The following FYN variants were observed in gnomAD, a reference collection of about 807,000 sequenced individuals.
The protein encoded by FYN is FYN proto-oncogene, Src family tyrosine kinase, also known as tyrosine-protein kinase Fyn.
Under a neutral mutation model 70.2 loss-of-function variants are expected in FYN, and 10 were observed. The ratio of observed to expected loss-of-function variants is 0.14; its 90% confidence interval spans 0.09 to 0.24. The LOEUF (loss-of-function observed/expected upper bound fraction) is 0.24, where lower values mean the gene tolerates loss of function less well. Ranked by LOEUF, FYN falls within the 10% of genes least tolerant of loss-of-function variation. The pLI, the probability that FYN is intolerant of heterozygous loss-of-function variation, is 1.00. For synonymous variants in FYN, 236 were observed against 248.6 expected, an observed-to-expected ratio of 0.95 and a Z score of 0.48; for missense variants, 319 against 673.1, an observed-to-expected ratio of 0.47 and a Z score of 5.82.
At position 111,662,069 on chromosome 6, in the gene FYN, A is replaced by C. The variant is rs1283513993; in HGVS notation, c.1406-122T>G. The C allele has an allele frequency of 7.3e-5, 55 of 750,760 alleles. No homozygotes were observed. The East Asian group carries it at 9.3e-4, about 13-fold the overall frequency. The allele number at this position is 750,760 out of a possible 1,614,324, so 46.5% of individuals were successfully genotyped here. On this transcript the variant is annotated intron_variant, in intron 13 of 13. Transcript: ENST00000354650. ...TGGCTAAAACATGCGGAGTACTCCCATCCCCCCAGGAGTCAAACCCTGCCA... is the reference window on the plus strand; with the variant it reads ...TGGCTAAAACATGCGGAGTACTCCCCTCCCCCCAGGAGTCAAACCCTGCCA...
At chr6:111,739,455 C>A (rs1364112987) in intron 3 of FYN, among the ~76,000 whole-genome samples, 1 of 152,254 alleles carries the variant, frequency 6.6e-6, no homozygotes, top group African/African-American at 2.4e-5. Flanking sequence ...CTGGCTCCTG[C>A]CTGGGGATGC....
intron 3 of FYN, among the ~76,000 whole-genome samples, chr6:111,771,321 C>A (rs1039905134): frequency 6.6e-6 from 1 of 152,112 alleles, no homozygotes; most frequent in Non-Finnish European, 1.5e-5. Context: ...CAGAAAAATT[C>A]AAAACAGCAA....
chr6:111,751,048 A>C (rs1802463404), intron 3 of FYN, among the ~76,000 whole-genome samples: 1 of 152,218 alleles, frequency 6.6e-6, no homozygotes, highest in South Asian at 2.1e-4. Context: ...AAAAACACCA[A>C]GAGAAGCAAA....
chr6:111,718,048 T>C (rs1004623453), intron 4 of FYN, among the ~76,000 whole-genome samples: 4 of 152,238 alleles, frequency 2.6e-5, no homozygotes, highest in African/African-American at 9.6e-5. Flanking sequence ...CCTATTCTTA[T>C]TTAACACTCC....
chr6:111,796,460 G>C (rs1442645874), intron 2 of FYN, among the ~76,000 whole-genome samples: 1 of 152,182 alleles, frequency 6.6e-6, no homozygotes, highest in Non-Finnish European at 1.5e-5. Flanking sequence ...GTGTGTAGTA[G>C]GTTATACCAT....
chr6:111,742,913 C>G (rs906464841), intron 3 of FYN, among the ~76,000 whole-genome samples: 2 of 151,698 alleles, frequency 1.3e-5, no homozygotes, highest in African/African-American at 4.8e-5. Context: ...CACACGACCA[C>G]AAGTTTGAGA....
chr6:111,815,726 T>C (rs113077066), intron 2 of FYN, among the ~76,000 whole-genome samples: 1 of 151,726 alleles, frequency 6.6e-6, no homozygotes, highest in South Asian at 2.1e-4. Flanking sequence ...TTTTTTTTTT[T>C]TCTTTTTTTT....
At chr6:111,740,399 A>C (rs898826309) in intron 3 of FYN, among the ~76,000 whole-genome samples, 6 of 152,242 alleles carry the variant, frequency 3.9e-5, no homozygotes, top group African/African-American at 1.4e-4. Flanking sequence ...AGCTGTTAAA[A>C]ATGAGAACAC....
intron 9 of FYN, among the ~76,000 whole-genome samples, chr6:111,698,543 G>A (rs1426350909): frequency 1.3e-5 from 2 of 152,124 alleles, no homozygotes; most frequent in Non-Finnish European, 2.9e-5. Context: ...GAAGATAGAG[G>A]ATTCCATAAG....
intron 13 of FYN, among the ~76,000 whole-genome samples, chr6:111,668,231 G>C (rs1448222274): frequency 3.3e-5 from 5 of 152,216 alleles, no homozygotes; most frequent in African/African-American, 1.2e-4. Context: ...CACTGAGTTA[G>C]GTTTTAGTAT....
At chr6:111,672,461 CTG>C (rs1422334993) in intron 13 of FYN, among the ~76,000 whole-genome samples, 1 of 152,226 alleles carries the variant, frequency 6.6e-6, no homozygotes, top group Admixed American at 6.5e-5. Context: ...TCAGGACCTG[CTG>C]TGTGTGGATA....
At position 111,674,530 on chromosome 6, in the gene FYN, C is replaced by T; in HGVS notation, c.1374G>A (p.Glu458=). The change falls in exon 13 of 14, where the codon GAG becomes GAA. Residue 458 remains glutamate, a synonymous_variant. Coordinates refer to ENST00000354650, the MANE Select transcript of FYN (RefSeq NM_002037.5). ...ATGGCACTCTTCCTTTGGTGACCAGCTCTGTGAGTAAGATTCCAAAAGACC... is the reference window on the plus strand; with the variant it reads ...ATGGCACTCTTCCTTTGGTGACCAGTTCTGTGAGTAAGATTCCAAAAGACC... ...DVWSFGILLT[E]LVTKGRVPYP... 1 of 1,613,940 alleles carries T rather than the reference C, an allele frequency of 6.2e-7. No individual in the cohort carries two copies. Among genetic ancestry groups the T allele is most frequent in the Non-Finnish European group, 8.5e-7 (1 of 1,179,882 alleles).
intron 12 of FYN, among the ~76,000 whole-genome samples, chr6:111,683,558 C>A (rs888049966): frequency 1.3e-5 from 2 of 152,164 alleles, no homozygotes; most frequent in Non-Finnish European, 2.9e-5. Context: ...GCCCTAATAG[C>A]ATTTTCAAGG....
At chr6:111,847,051 C>T (rs1468314931) in intron 1 of FYN, among the ~76,000 whole-genome samples, 1 of 152,196 alleles carries the variant, frequency 6.6e-6, no homozygotes, top group African/African-American at 2.4e-5. Flanking sequence ...ATTAAAACAC[C>T]CCCAGCACCC....
intron 12 of FYN, among the ~76,000 whole-genome samples, chr6:111,679,262 G>C (rs1798682228): frequency 6.6e-6 from 1 of 152,204 alleles, no homozygotes; most frequent in South Asian, 2.1e-4. Flanking sequence ...ACCTTTGCCT[G>C]ATCACTAAAG....
chr6:111,824,665 T>C (rs1583473155), intron 2 of FYN, among the ~76,000 whole-genome samples: 2 of 152,210 alleles, frequency 1.3e-5, no homozygotes, highest in East Asian at 3.8e-4. Context: ...GTCATTACTC[T>C]GAATTTCACT....
At chr6:111,831,357 C>A (rs1327204) in intron 2 of FYN, among the ~76,000 whole-genome samples, 1 of 152,006 alleles carries the variant, frequency 6.6e-6, no homozygotes, top group South Asian at 2.1e-4. Flanking sequence ...AAGACTCCGA[C>A]TGACATTGGC....
At chr6:111,718,536 G>A (rs1800778985) in intron 4 of FYN, among the ~76,000 whole-genome samples, 1 of 152,158 alleles carries the variant, frequency 6.6e-6, no homozygotes. Flanking sequence ...AATGAACAAG[G>A]ACAATGGCTG....
intron 3 of FYN, among the ~76,000 whole-genome samples, chr6:111,746,823 G>A (rs1802243833): frequency 6.6e-6 from 1 of 152,006 alleles, no homozygotes; most frequent in Non-Finnish European, 1.5e-5. Context: ...AGGGTAGAGG[G>A]AGGGAGGCAG....
Sources: gnomAD v4.1 joint callset for allele counts (sites outside exome capture counted in the v4.1 genomes callset) on GRCh38, gnomAD v4.1.1 for gene constraint, MANE v1.5 for transcripts, NCBI Gene and HGNC (gene_info 2026-07-23, HGNC 2026-07-21) for gene names.